The following KIF13A variants were observed in gnomAD, a reference collection of about 807,000 sequenced individuals.
The protein encoded by KIF13A is kinesin-like protein KIF13A.
Under a neutral mutation model 212.2 loss-of-function variants are expected in KIF13A, and 79 were observed. The ratio of observed to expected loss-of-function variants is 0.37; its 90% CI spans 0.31 to 0.45. The LOEUF is 0.45. Ranked by LOEUF, KIF13A falls within the 20% of genes least tolerant of loss-of-function variation. KIF13A has a pLI of 1.00. For missense variants in KIF13A, 1,901 were observed against 2,209.0 expected (o/e 0.86, Z 2.79); for synonymous variants, 789 against 808.6 (o/e 0.98, Z 0.41).
rs1285606354 is a variant in KIF13A at position 17,947,490 on chromosome 6, A to G, written c.146+39564T>C. ...TCCTTCTTAACTTCAAAAGTTCAAA[A>G]CTTCGTTGCCTGTTAAATTTCCTGA... On this transcript the variant is annotated intron_variant, in intron 2 of 38. Coordinates refer to ENST00000259711, the MANE Select transcript of KIF13A (RefSeq NM_022113.6). The surrounding 1 kb of genome is among the most constrained non-coding windows in gnomAD (Gnocchi z 4.6). 1.3e-5 allele frequency among the ~76,000 whole-genome samples: 2 copies of G among 152,174 alleles called. No homozygotes were observed. The highest frequency in any genetic ancestry group is 2.9e-5 in the Non-Finnish European group (2 of 68,024).
At chr6:17,956,348 C>T (rs1394540040) in intron 2 of KIF13A, among the ~76,000 whole-genome samples, 1 of 152,224 alleles carries the variant, frequency 6.6e-6, no homozygotes, top group African/African-American at 2.4e-5. Flanking sequence ...AAAAATCCAG[C>T]ATGTGCACAC....
rs948175410 is a variant in KIF13A, at chr6:17,872,332, T to A, written c.220+1045A>T. 1.3e-5 allele frequency among the ~76,000 whole-genome samples: 2 copies of A among 152,260 alleles called. No homozygotes were observed. The highest frequency in any genetic ancestry group is 2.9e-5 in the Non-Finnish European group (2 of 68,044). The stretch of plus-strand genomic sequence containing the variant: ...ATATCCTCCCTTCATTTTTTTGTTT[T>A]TAACTAACTGAGAATGTCATTCAGC... On this transcript the variant is annotated intron_variant, in intron 4 of 38. Coordinates refer to ENST00000259711, the MANE Select transcript of KIF13A (RefSeq NM_022113.6). This position sits in a 1 kb window ranked among gnomAD's most constrained non-coding sequence, Gnocchi z 4.7.
intron 11 of KIF13A, among the ~76,000 whole-genome samples, chr6:17,835,033 T>C (rs543030105): frequency 6.6e-6 from 1 of 151,022 alleles, no homozygotes; most frequent in African/African-American, 2.4e-5. Context: ...ACAAAAAAAA[T>C]TCACTGGGTA....
intron 4 of KIF13A, among the ~76,000 whole-genome samples, chr6:17,869,847 C>T (rs372391522): frequency 8.5e-5 from 13 of 152,304 alleles, no homozygotes; most frequent in African/African-American, 2.6e-4. Flanking sequence ...GTTTTGAGAG[C>T]GGCTTTGAGA....
intron 4 of KIF13A, among the ~76,000 whole-genome samples, chr6:17,870,485 CAT>C (rs1319068198): frequency 2.0e-5 from 3 of 151,584 alleles, no homozygotes; most frequent in African/African-American, 7.3e-5. Flanking sequence ...CATCCAGGCA[CAT>C]GAGTGATATA....
chr6:17,974,884 A>G (rs1780155972), intron 2 of KIF13A, among the ~76,000 whole-genome samples: 1 of 152,258 alleles, frequency 6.6e-6, no homozygotes, highest in Non-Finnish European at 1.5e-5. Context: ...CCACATGTCA[A>G]GTATTCAATG....
At chr6:17,865,518 C>G (rs970485144) in intron 4 of KIF13A, among the ~76,000 whole-genome samples, 7 of 152,232 alleles carry the variant, frequency 4.6e-5, no homozygotes, top group Admixed American at 2.0e-4. Flanking sequence ...GTTCTTCTCA[C>G]ATACCTGAAG....
At chr6:17,797,946 G>C (rs1762184767) in intron 22 of KIF13A, among the ~76,000 whole-genome samples, 1 of 152,064 alleles carries the variant, frequency 6.6e-6, no homozygotes, top group Non-Finnish European at 1.5e-5. Context: ...AATGAATACT[G>C]AACTGACTGA....
intron 2 of KIF13A, among the ~76,000 whole-genome samples, chr6:17,975,753 A>C (rs897606750): frequency 2.6e-5 from 4 of 151,920 alleles, no homozygotes; most frequent in African/African-American, 9.7e-5. Flanking sequence ...GATTAGCTAG[A>C]TACAGAGTCC....
rs1259284349 is a variant in KIF13A at position 17,764,755 on chromosome 6, G to A, written c.4773C>T (p.Thr1591=). 3 of 1,613,084 alleles carry A rather than the reference G, an allele frequency of 1.9e-6. No individual in the cohort carries two copies. Among genetic ancestry groups the A allele is most frequent in the Non-Finnish European group, 2.5e-6 (3 of 1,179,502 alleles). The part of the protein sequence containing the change: ...VLEKEVSRSP[T]TSSITSGYFS... ...AGTAGCCACTGGTAATACTGCTGGT[G>A]GTAGGGCTACGGGACACTTCTTTCT... The change falls in exon 39 of 39, where the codon ACC becomes ACT. Residue 1591 remains threonine (T), a synonymous_variant. Coordinates refer to ENST00000259711, the MANE Select transcript of KIF13A (RefSeq NM_022113.6). The surrounding 1 kb of genome is among the most constrained non-coding windows in gnomAD (Gnocchi z 5.1).
In KIF13A at chr6:17,901,941, T is replaced by C. The variant is rs58433632; in HGVS notation, c.147-3761A>G. On this transcript the variant is annotated intron_variant, in intron 2 of 38. Transcript: ENST00000259711. ...GAACTCAGGAGGCAGAGGTTGCAGT[T>C]AGCTGAGATCACGCCACTGCACTCC... is the stretch of plus-strand genomic sequence containing the variant. Among the ~76,000 whole-genome samples, 671 of 152,234 alleles carry C rather than the reference T, an allele frequency of 4.4e-3. 6 individuals are homozygous for C. Among genetic ancestry groups the C allele is most frequent in the African/African-American group, 0.015 (631 of 41,530 alleles).
At chr6:17,823,063 T>G (rs930160013) in intron 16 of KIF13A, among the ~76,000 whole-genome samples, 3 of 151,106 alleles carry the variant, frequency 2.0e-5, no homozygotes, top group African/African-American at 7.3e-5. Context: ...GGAGACAGAG[T>G]TTCACTCTTA....
chr6:17,773,446 G>C lies in KIF13A; in HGVS notation c.4324+32C>G, dbSNP rs565597769. 8 of 1,270,586 alleles carry C rather than the reference G, an allele frequency of 6.3e-6. No homozygotes were observed. Among genetic ancestry groups the C allele is most frequent in the South Asian group, 1.2e-5 (1 of 81,044 alleles). 78.7% of individuals were successfully genotyped at this position (1,270,586 alleles called of 1,614,324 possible). ...CATACTTTTTCTAAGTAATTACAAA[G>C]AAATATCACTGCAAAATAATCTCAC... On this transcript the variant is annotated intron_variant, in intron 36 of 38. Transcript: ENST00000259711. The surrounding 1 kb of genome is among the most constrained non-coding windows in gnomAD (Gnocchi z 4.2).
Position 17,856,252 on chromosome 6 carries a change from G to A in KIF13A, c.221-130C>T. ...TAGTACCGAGTGCCCACTAAGTACA[G>A]GGCTGTGTATTAAGAGCTTGATATA... On this transcript the variant is annotated intron_variant, in intron 4 of 38. Transcript: ENST00000259711. This position sits in a 1 kb window ranked among gnomAD's most constrained non-coding sequence, Gnocchi z 4.5. 1 of 637,126 alleles carries A rather than the reference G, an allele frequency of 1.6e-6. No individual in the cohort carries two copies. The highest frequency in any genetic ancestry group is 1.8e-5 in the African/African-American group (1 of 54,534). The allele number at this position is 637,126 out of a possible 1,614,324, so 39.5% of individuals were successfully genotyped here. A position where few individuals can be genotyped will look rare whatever the true frequency, so the allele number is the denominator to read the frequency against.
At chr6:17,806,309 A>G (rs1762944240) in intron 18 of KIF13A, among the ~76,000 whole-genome samples, 1 of 152,080 alleles carries the variant, frequency 6.6e-6, no homozygotes, top group African/African-American at 2.4e-5. Flanking sequence ...TAATTATTCT[A>G]TTGTTTGACA....
intron 20 of KIF13A, among the ~76,000 whole-genome samples, chr6:17,801,074 G>C (rs1200741824): frequency 6.6e-6 from 1 of 152,048 alleles, no homozygotes; most frequent in Non-Finnish European, 1.5e-5. Flanking sequence ...ATTCATGTGA[G>C]TGAATATGAA....
intron 2 of KIF13A, among the ~76,000 whole-genome samples, chr6:17,902,631 C>T (rs1773149877): frequency 6.6e-6 from 1 of 152,164 alleles, no homozygotes; most frequent in Admixed American, 6.6e-5. Context: ...CTCTTGAAGA[C>T]ACAGTTCAAG....
chr6:17,954,744 G>C (rs1561800996), intron 2 of KIF13A, among the ~76,000 whole-genome samples: 2 of 152,114 alleles, frequency 1.3e-5, no homozygotes, highest in Admixed American at 6.6e-5. Flanking sequence ...TGCGACCATA[G>C]CTCACTGTAG....
At chr6:17,862,667 A>G (rs1409050456) in intron 4 of KIF13A, among the ~76,000 whole-genome samples, 1 of 152,032 alleles carries the variant, frequency 6.6e-6, no homozygotes, top group Non-Finnish European at 1.5e-5. Flanking sequence ...GCCAGGTATG[A>G]GCCGGGCATG....
Sources: allele counts gnomAD v4.1 joint callset (sites outside exome capture counted in the v4.1 genomes callset), GRCh38; gene constraint gnomAD v4.1.1; non-coding constraint Gnocchi (gnomAD v3.1); transcripts MANE v1.5; gene names NCBI Gene and HGNC (gene_info 2026-07-23, HGNC 2026-07-21).